The following PRKAB1 variants were observed in gnomAD, a reference collection of about 807,000 sequenced individuals.
PRKAB1 encodes 5'-AMP-activated protein kinase subunit beta-1.
PRKAB1 carries 18 observed loss-of-function variants against 32.0 expected under a neutral mutation model. The observed-to-expected ratio is 0.56, with a 90% confidence interval of 0.39 to 0.83. The LOEUF (loss-of-function observed/expected upper bound fraction) is 0.83. Ranked by LOEUF, PRKAB1 falls within the 40% of genes least tolerant of loss-of-function variation. The pLI is 0.00. For synonymous variants in PRKAB1, 141 were observed against 141.4 expected, an observed-to-expected ratio of 1.00 and a Z score of 0.02; for missense variants, 263 against 352.6, an observed-to-expected ratio of 0.75 and a Z score of 2.03.
rs780086602 is a variant in PRKAB1 at position 119,674,928 on chromosome 12, C to T, written c.532+474C>T. Among the ~76,000 whole-genome samples the T allele has an allele frequency of 1.3e-5, 2 of 152,318 alleles. No individual in the cohort carries two copies. Among genetic ancestry groups the T allele is most frequent in the African/African-American group, 4.8e-5 (2 of 41,578 alleles). On this transcript the variant is annotated intron_variant, in intron 4 of 6. Coordinates refer to ENST00000229328, the MANE Select transcript of PRKAB1 (RefSeq NM_006253.5). This position sits in a 1 kb window ranked among gnomAD's most constrained non-coding sequence, Gnocchi z 4.3. ...TGTCAGAATCCCTTTGGGGAGGATG[C>T]GGCTCCCCACGGGAAACAGCCTGCA... is the stretch of plus-strand genomic sequence containing the variant.
chr12:119,678,309 T>TCACAA (rs1565877317), intron 5 of PRKAB1: 1 of 152,236 alleles, frequency 6.6e-6, no homozygotes, highest in African/African-American at 2.4e-5. Context: ...TATTCAAGCC[T>TCACAA]CACAACAACC....
intron 1 of PRKAB1, chr12:119,669,404 A>AC (rs758343145): frequency 8.0e-5 from 12 of 150,248 alleles, no homozygotes; most frequent in Non-Finnish European, 1.6e-4. Flanking sequence ...AGTAGCTGGG[A>AC]CGACAGGCAC....
At chr12:119,676,481 G>T in intron 4 of PRKAB1, 56 bp from the exon 5 acceptor site, 1 of 1,498,340 alleles carries the variant, frequency 6.7e-7, no homozygotes, top group Non-Finnish European at 9.1e-7. Context: ...CATAAGTAAG[G>T]CTGCTCCTAG....
chr12:119,673,074 T>C (rs1450360661), intron 2 of PRKAB1, among the ~76,000 whole-genome samples: 1 of 151,634 alleles, frequency 6.6e-6, no homozygotes, highest in Non-Finnish European at 1.5e-5. Flanking sequence ...TACAAAAAAA[T>C]TAAAAATTAG....
At position 119,674,496 on chromosome 12, in the gene PRKAB1, G is replaced by C. The variant is rs1955408939; in HGVS notation, c.532+42G>C. 3 of 1,411,166 alleles carry C rather than the reference G, an allele frequency of 2.1e-6. No individual in the cohort carries two copies. The South Asian group carries it at 3.5e-5, about 16-fold the overall frequency. The allele number at this position is 1,411,166 out of a possible 1,614,324, so 87.4% of individuals were successfully genotyped here. On this transcript the variant is annotated intron_variant, in intron 4 of 6. Coordinates refer to ENST00000229328, the MANE Select transcript of PRKAB1 (RefSeq NM_006253.5). This position sits in a 1 kb window ranked among gnomAD's most constrained non-coding sequence, Gnocchi z 4.3. ...TTTATACCACATGCGTGCAGGTGGG[G>C]GCTGTACAGTCTAGACATACTCTTG...
chr12:119,679,825 C>T lies in PRKAB1; in HGVS notation c.667-108C>T, dbSNP rs971091973. 170 of 1,199,960 alleles carry T rather than the reference C, an allele frequency of 1.4e-4. No homozygotes were observed. Among genetic ancestry groups the T allele is most frequent in the Non-Finnish European group, 1.9e-4 (151 of 809,740 alleles). The allele number at this position is 1,199,960 out of a possible 1,614,324, so 74.3% of individuals were successfully genotyped here. ...CGCTGCCTGATTTGGGAAGAGAGGT[C>T]GGCCTGAGCGCTGCCTCCTGTCCTT... is the stretch of plus-strand genomic sequence containing the variant. On this transcript the variant is annotated intron_variant, in intron 5 of 6. Coordinates refer to ENST00000229328, the MANE Select transcript of PRKAB1 (RefSeq NM_006253.5). The surrounding 1 kb of genome is among the most constrained non-coding windows in gnomAD (Gnocchi z 4.1).
At position 119,679,695 on chromosome 12, in the gene PRKAB1, C is replaced by G. The variant is rs1466901552; in HGVS notation, c.667-238C>G. 3.8e-6 allele frequency: 2 copies of G among 522,926 alleles called. No homozygotes were observed. Among genetic ancestry groups the G allele is most frequent in the Non-Finnish European group, 7.0e-6 (2 of 287,456 alleles). The allele number at this position is 522,926 out of a possible 1,614,324, so 32.4% of individuals were successfully genotyped here. On this transcript the variant is annotated intron_variant, in intron 5 of 6. Transcript: ENST00000229328. The surrounding 1 kb of genome is among the most constrained non-coding windows in gnomAD (Gnocchi z 4.1). Reference sequence around the variant, plus strand: ...CACTTGAAAGAGGCCGGGGTAAATGCCTGGCCAGAGACACACACCGATGCC... The same window carrying G: ...CACTTGAAAGAGGCCGGGGTAAATGGCTGGCCAGAGACACACACCGATGCC...
chr12:119,672,986 T>G (rs977944549), intron 2 of PRKAB1, among the ~76,000 whole-genome samples: 2 of 152,204 alleles, frequency 1.3e-5, no homozygotes, highest in Admixed American at 6.5e-5. Context: ...CTCAGCACTT[T>G]TGGGGGCTGA....
chr12:119,669,250 G>A (rs994745405), intron 1 of PRKAB1, among the ~76,000 whole-genome samples: 5 of 120,372 alleles, frequency 4.2e-5, no homozygotes, highest in Admixed American at 8.3e-5. Context: ...CGTGAGCTAC[G>A]GTGCTGGCCG....
chr12:119,679,755 G>T lies in PRKAB1; in HGVS notation c.667-178G>T. ...CATGCAGGGAGCTCCCTTCAGGTCA[G>T]AAGGCGTGACCTTCATCTCACCTGT... On this transcript the variant is annotated intron_variant, in intron 5 of 6. Coordinates refer to ENST00000229328, the MANE Select transcript of PRKAB1 (RefSeq NM_006253.5). This position sits in a 1 kb window ranked among gnomAD's most constrained non-coding sequence, Gnocchi z 4.1. The T allele has an allele frequency of 1.6e-6, 1 of 642,204 alleles. No individual in the cohort carries two copies. The allele number at this position is 642,204 out of a possible 1,614,324, so 39.8% of individuals were successfully genotyped here. A position where few individuals can be genotyped will look rare whatever the true frequency, so the allele number is the denominator to read the frequency against.
chr12:119,674,264 A>G lies in PRKAB1; in HGVS notation c.418-76A>G, dbSNP rs1167200240. 1 of 1,239,338 alleles carries G rather than the reference A, an allele frequency of 8.1e-7. No individual in the cohort carries two copies. Among genetic ancestry groups the G allele is most frequent in the Non-Finnish European group, 1.2e-6 (1 of 859,740 alleles). The allele number at this position is 1,239,338 out of a possible 1,614,324, so 76.8% of individuals were successfully genotyped here. A position where few individuals can be genotyped will look rare whatever the true frequency, so the allele number is the denominator to read the frequency against. The stretch of plus-strand genomic sequence containing the variant: ...AGCCAGGAGATGAGGCCTTCCAGCC[A>G]GGAATTCCAAGTCCTCTGAAGAATA... On this transcript the variant is annotated intron_variant, in intron 3 of 6. Transcript: ENST00000229328. This position sits in a 1 kb window ranked among gnomAD's most constrained non-coding sequence, Gnocchi z 4.3.
chr12:119,676,535 A>G lies in PRKAB1; in HGVS notation c.533-2A>G. On this transcript the variant is annotated splice_acceptor_variant, in intron 4 of 6. Coordinates refer to ENST00000229328, the MANE Select transcript of PRKAB1 (RefSeq NM_006253.5). LOFTEE classifies it high-confidence loss of function. ...TAAAGTCCTGTTACCATCTCCCAACAGAGCTGTCCAGTTCTCCCCCAGGAC... is the reference window on the plus strand; with the variant it reads ...TAAAGTCCTGTTACCATCTCCCAACGGAGCTGTCCAGTTCTCCCCCAGGAC... The G allele has an allele frequency of 1.9e-6, 3 of 1,607,760 alleles. No homozygotes were observed. The highest frequency in any genetic ancestry group is 2.6e-6 in the Non-Finnish European group (3 of 1,175,786).
At position 119,680,478 on chromosome 12, in the gene PRKAB1, C is replaced by A; in HGVS notation, c.*153C>A. The A allele has an allele frequency of 1.3e-6, 1 of 782,028 alleles. No homozygotes were observed. Among genetic ancestry groups the A allele is most frequent in the Non-Finnish European group, 2.1e-6 (1 of 485,324 alleles). 48.4% of individuals were successfully genotyped at this position (782,028 alleles called of 1,614,324 possible). A position where few individuals can be genotyped will look rare whatever the true frequency, so the allele number is the denominator to read the frequency against. On this transcript the variant is annotated 3_prime_UTR_variant, in exon 7 of 7. Coordinates refer to ENST00000229328, the MANE Select transcript of PRKAB1 (RefSeq NM_006253.5). ...CCCTGGTCCTGCTTGAAGGTTTGTC[C>A]AGGCAGAGCAGCTCCTGCAGCGCCT...
intron 1 of PRKAB1, chr12:119,669,443 A>G (rs1023620629): frequency 5.4e-5 from 8 of 148,086 alleles, no homozygotes; most frequent in Non-Finnish European, 1.2e-4. Context: ...AATTTTTTAT[A>G]TTTTTAGTAG....
At chr12:119,672,571 C>T (rs1955396232) in intron 2 of PRKAB1, 107 bp downstream of exon 2, 2 of 1,244,712 alleles carry the variant, frequency 1.6e-6, no homozygotes, top group Non-Finnish European at 2.2e-6. Context: ...AAATGGATGC[C>T]TAGTGGAAAA....
chr12:119,677,523 A>T (rs567610289), intron 5 of PRKAB1: 1 of 152,494 alleles, frequency 6.6e-6, no homozygotes, highest in Admixed American at 6.5e-5. Flanking sequence ...CTGGGTAGCC[A>T]TCCTGGTATA....
Position 119,674,123 on chromosome 12 carries a change from A to G in PRKAB1, c.417+66A>G. Reference sequence around the variant, plus strand: ...ATTCCAAACAAATCACCTTCCCAAGAGATTGCCGCTAGGTCCCTTTGCCCA... The same window carrying G: ...ATTCCAAACAAATCACCTTCCCAAGGGATTGCCGCTAGGTCCCTTTGCCCA... On this transcript the variant is annotated intron_variant, in intron 3 of 6. Coordinates refer to ENST00000229328, the MANE Select transcript of PRKAB1 (RefSeq NM_006253.5). The surrounding 1 kb of genome is among the most constrained non-coding windows in gnomAD (Gnocchi z 4.3). 3.4e-6 allele frequency: 5 copies of G among 1,463,506 alleles called. No homozygotes were observed. In the South Asian group the frequency reaches 5.9e-5, roughly 17 times the overall value. 90.7% of individuals were successfully genotyped at this position (1,463,506 alleles called of 1,614,324 possible). A position where few individuals can be genotyped will look rare whatever the true frequency, so the allele number is the denominator to read the frequency against.
At chr12:119,672,931 T>A (rs903859989) in intron 2 of PRKAB1, among the ~76,000 whole-genome samples, 2 of 152,196 alleles carry the variant, frequency 1.3e-5, no homozygotes, top group East Asian at 3.9e-4. Context: ...AATACTTTGT[T>A]TGAAAAGTAC....
chr12:119,676,546 G>T lies in PRKAB1; in HGVS notation c.542G>T (p.Ser181Ile), dbSNP rs1955427544. 2.5e-6 allele frequency: 4 copies of T among 1,612,346 alleles called. No homozygotes were observed. Among genetic ancestry groups the T allele is most frequent in the Non-Finnish European group, 3.4e-6 (4 of 1,178,782 alleles). Residue 181 changes from serine (S) to isoleucine (I), a missense_variant, in exon 5 of 7, where the codon AGT becomes ATT. Transcript: ENST00000229328. Reference sequence around the variant, plus strand: ...TACCATCTCCCAACAGAGCTGTCCAGTTCTCCCCCAGGACCCTACCATCAG... The same window carrying T: ...TACCATCTCCCAACAGAGCTGTCCATTTCTCCCCCAGGACCCTACCATCAG... ...QKCSDVSELSSSPPGPYHQEP... is the reference protein window; with the variant it reads ...QKCSDVSELSISPPGPYHQEP...
Sources: allele counts gnomAD v4.1 joint callset (sites outside exome capture counted in the v4.1 genomes callset), GRCh38; gene constraint gnomAD v4.1.1; non-coding constraint Gnocchi (gnomAD v3.1); transcripts MANE v1.5; gene names NCBI Gene and HGNC (gene_info 2026-07-23, HGNC 2026-07-21).